The following ZNF800 variants were observed in gnomAD, a reference collection of about 807,000 sequenced individuals.
ZNF800 encodes the protein zinc finger protein 800.
Under a neutral mutation model 59.5 loss-of-function variants are expected in ZNF800, and 13 were observed. The observed-to-expected ratio is 0.22, with a 90% confidence interval of 0.14 to 0.35. ZNF800 has a LOEUF of 0.35. Ranked by LOEUF, ZNF800 falls within the 10% of genes least tolerant of loss-of-function variation. ZNF800 has a pLI of 1.00. For synonymous variants in ZNF800, 266 were observed against 265.7 expected, an observed-to-expected ratio of 1.00 and a Z score of -0.01; for missense variants, 621 against 783.7, an observed-to-expected ratio of 0.79 and a Z score of 2.48.
chr7:127,385,886 T>C (rs1801126155), intron 3 of ZNF800, among the ~76,000 whole-genome samples, 174 bp downstream of exon 3: 1 of 152,144 alleles, frequency 6.6e-6, no homozygotes, highest in Non-Finnish European at 1.5e-5. Flanking sequence ...GAATAATCTC[T>C]AGACCAAGTC....
chr7:127,344,106 T>G (rs1800017149), downstream of ZNF800, among the ~76,000 whole-genome samples: 1 of 152,006 alleles, frequency 6.6e-6, no homozygotes, highest in Non-Finnish European at 1.5e-5. Context: ...GTATAAATAT[T>G]ATAAAGGAAG....
At chr7:127,359,301 GC>G (rs1201278563) in intron 1 of ZNF800, among the ~76,000 whole-genome samples, 1 of 151,952 alleles carries the variant, frequency 6.6e-6, no homozygotes, top group Non-Finnish European at 1.5e-5. Flanking sequence ...ATGTATCATA[GC>G]CCCAGCATCC....
intron 3 of ZNF800, among the ~76,000 whole-genome samples, chr7:127,382,131 T>A: frequency 6.6e-6 from 1 of 152,288 alleles, no homozygotes; most frequent in Non-Finnish European, 1.5e-5. Context: ...ACAAATTATA[T>A]ATTTCTCTTC....
rs1800719884 is a variant in ZNF800, at chr7:127,374,203, A to G, written c.1133T>C (p.Met378Thr). The G allele has an allele frequency of 1.9e-6, 3 of 1,613,948 alleles. No individual in the cohort carries two copies. The highest frequency in any genetic ancestry group is 2.5e-6 in the Non-Finnish European group (3 of 1,180,004). Residue 378 changes from methionine (M) to threonine (T), a missense_variant, in exon 5 of 6, where the codon ATG (methionine) becomes ACG (threonine). Transcript: ENST00000265827. ...AAGAGTTATCTTGTGGACAATTTGC[A>G]TATGTCTTTTAAGCATTATTTGTGA... ...YSSQIMLKRHMQIVHKITLSG... is the reference protein window; with the variant it reads ...YSSQIMLKRHTQIVHKITLSG...
chr7:127,372,640 G>A, intron 5 of ZNF800: 1 of 984,940 alleles, frequency 1.0e-6, no homozygotes, highest in Non-Finnish European at 1.2e-6. Context: ...AAGCATTTGG[G>A]ACCTAAATAA....
chr7:127,377,332 G>A lies in ZNF800; in HGVS notation c.158-3C>T. The A allele has an allele frequency of 6.3e-7, 1 of 1,585,700 alleles. No individual in the cohort carries two copies. On this transcript the variant is annotated splice_region_variant and splice_polypyrimidine_tract_variant and intron_variant, in intron 3 of 5. Coordinates refer to ENST00000265827, the MANE Select transcript of ZNF800 (RefSeq NM_176814.5). The surrounding 1 kb of genome is among the most constrained non-coding windows in gnomAD (Gnocchi z 4.7). Reference sequence around the variant, plus strand: ...AATATGCTTAAGTTGTTTAGTTCCTGAGAGAAAAAAGAAAAGAAAAACTTA... The same window carrying A: ...AATATGCTTAAGTTGTTTAGTTCCTAAGAGAAAAAAGAAAAGAAAAACTTA...
Position 127,377,091 on chromosome 7 carries a change from T to C in ZNF800, c.301+95A>G, listed in dbSNP as rs1800808027. The C allele has an allele frequency of 3.6e-6, 4 of 1,116,624 alleles. No individual in the cohort carries two copies. Among genetic ancestry groups the C allele is most frequent in the Non-Finnish European group, 5.0e-6 (4 of 801,550 alleles). The allele number at this position is 1,116,624 out of a possible 1,614,324, so 69.2% of individuals were successfully genotyped here. ...GTAACTAGACATCATTATCAAATTA[T>C]CAGTAACTAGATACAATTTTAATGC... On this transcript the variant is annotated intron_variant, in intron 4 of 5. Transcript: ENST00000265827. The surrounding 1 kb of genome is among the most constrained non-coding windows in gnomAD (Gnocchi z 4.7).
chr7:127,389,626 A>G (rs767848188), intron 2 of ZNF800, among the ~76,000 whole-genome samples: 7 of 152,206 alleles, frequency 4.6e-5, no homozygotes, highest in Non-Finnish European at 7.4e-5. Flanking sequence ...GAACTACTCT[A>G]TAAGTTAACA....
intron 3 of ZNF800, among the ~76,000 whole-genome samples, chr7:127,381,615 CG>C (rs1173647729): frequency 6.6e-6 from 1 of 151,932 alleles, no homozygotes; most frequent in Admixed American, 6.6e-5. Flanking sequence ...ATGAAAGATA[CG>C]GTCTTTCCCC....
downstream of ZNF800, among the ~76,000 whole-genome samples, chr7:127,366,874 C>T (rs11563463): frequency 0.33 from 49,678 of 151,908 alleles, 9,414 homozygotes; most frequent in East Asian, 0.75. Flanking sequence ...AGAGATTAGC[C>T]CAACAGGCAA....
intron 1 of ZNF800, among the ~76,000 whole-genome samples, chr7:127,355,970 A>T (rs1800262664): frequency 6.6e-6 from 1 of 151,960 alleles, no homozygotes; most frequent in Admixed American, 6.6e-5. Context: ...CAATTTTCAT[A>T]CTCAGGAATC....
chr7:127,368,871 C>A (rs1800567051), downstream of ZNF800, among the ~76,000 whole-genome samples: 1 of 151,894 alleles, frequency 6.6e-6, no homozygotes, highest in South Asian at 2.1e-4. Flanking sequence ...CCTAAAAAAT[C>A]TGAAGGTACA....
intron 5 of ZNF800, chr7:127,373,117 T>A (rs1587438282): frequency 1.0e-6 from 1 of 985,446 alleles, no homozygotes; most frequent in East Asian, 1.1e-4. Flanking sequence ...CATTGCATTG[T>A]CCTGTGGAAG....
chr7:127,345,246 G>T (rs1306493251), downstream of ZNF800, among the ~76,000 whole-genome samples: 1 of 151,744 alleles, frequency 6.6e-6, no homozygotes, highest in Non-Finnish European at 1.5e-5. Context: ...GAAGAATCTA[G>T]ACATCCAAAC....
chr7:127,375,500 T>G (rs1050732786), intron 4 of ZNF800, among the ~76,000 whole-genome samples: 1 of 151,996 alleles, frequency 6.6e-6, no homozygotes, highest in African/African-American at 2.4e-5. Context: ...TCCATAATAG[T>G]CTAATCTAAT....
At position 127,373,476 on chromosome 7, in the gene ZNF800, G is replaced by A; in HGVS notation, c.1860C>T (p.Cys620=). ...KVTKNFSLHR[C]NKCGKAFAKK... is the part of the protein sequence containing the mutation. ...TGGCAAATGCCTTTCCACATTTATT[G>A]CATCTGTGAAGAGAAAAGTTTTTTG... The change falls in exon 5 of 6, where the codon TGC becomes TGT. Residue 620 remains cysteine, a synonymous_variant. Coordinates refer to ENST00000265827, the MANE Select transcript of ZNF800 (RefSeq NM_176814.5). 6.2e-7 allele frequency: 1 copy of A among 1,614,094 alleles called. No individual in the cohort carries two copies. Among genetic ancestry groups the A allele is most frequent in the Non-Finnish European group, 8.5e-7 (1 of 1,179,998 alleles).
In ZNF800 at chr7:127,391,577, C is replaced by T. The variant is rs1420191634; in HGVS notation, c.-20G>A. On this transcript the variant is annotated 5_prime_UTR_variant, in exon 2 of 6. Transcript: ENST00000265827. Reference sequence around the variant, plus strand: ...AGGCATTTTCAGTGGACTCGACCTACTTTGCTTTCACTGTAAGAAGCTCTT... The same window carrying T: ...AGGCATTTTCAGTGGACTCGACCTATTTTGCTTTCACTGTAAGAAGCTCTT... The T allele has an allele frequency of 6.2e-7, 1 of 1,613,250 alleles. No individual in the cohort carries two copies. The highest frequency in any genetic ancestry group is 8.5e-7 in the Non-Finnish European group (1 of 1,179,186).
At chr7:127,368,906 T>G (rs1277188090), downstream of ZNF800, among the ~76,000 whole-genome samples, 1 of 151,908 alleles carries the variant, frequency 6.6e-6, no homozygotes, top group Non-Finnish European at 1.5e-5. Flanking sequence ...GCAACCTGTG[T>G]CAACCAAAAA....
intron 1 of ZNF800, chr7:127,361,127 G>A (rs1325509843): frequency 6.6e-6 from 1 of 152,210 alleles, no homozygotes; most frequent in Non-Finnish European, 1.5e-5. Context: ...CACAACAGGA[G>A]AGGGAGAGGG....
Sources: allele counts gnomAD v4.1 joint callset (sites outside exome capture counted in the v4.1 genomes callset), GRCh38; gene constraint gnomAD v4.1.1; non-coding constraint Gnocchi (gnomAD v3.1); transcripts MANE v1.5; gene names NCBI Gene and HGNC (gene_info 2026-07-23, HGNC 2026-07-21).